KANSL1L: variants seen among roughly 807,000 people sequenced by gnomAD.
KANSL1L encodes KAT8 regulatory NSL complex subunit 1-like protein.
KANSL1L carries 25 observed loss-of-function variants against 108.6 expected under a neutral mutation model. The ratio of observed to expected loss-of-function variants is 0.23; its 90% confidence interval spans 0.17 to 0.32. The LOEUF is 0.32. KANSL1L is among the 10% of genes least tolerant of loss of function. The pLI, the probability that KANSL1L is intolerant of heterozygous loss-of-function variation, is 1.00. For synonymous variants in KANSL1L, 405 were observed against 395.1 expected, an observed-to-expected ratio of 1.03 and a Z score of -0.30; for missense variants, 1,137 against 1,125.7, an observed-to-expected ratio of 1.01 and a Z score of -0.14.
Position 210,057,574 on chromosome 2 carries a change from A to G in KANSL1L, c.1756-13470T>C, listed in dbSNP as rs536291592. ...AAATTAGCCGGGCGTGGTGGCAGGCACATGTAGTCCCAGCTACTCGGGAGG... is the reference window on the plus strand; with the variant it reads ...AAATTAGCCGGGCGTGGTGGCAGGCGCATGTAGTCCCAGCTACTCGGGAGG... On this transcript the variant is annotated intron_variant, in intron 6 of 14. Transcript: ENST00000281772. Among the ~76,000 whole-genome samples, 3 of 152,198 alleles carry G rather than the reference A, an allele frequency of 2.0e-5. No homozygotes were observed. The South Asian group carries it at 6.2e-4, about 32-fold the overall frequency.
chr2:210,104,597 G>A (rs2094828156), intron 3 of KANSL1L, among the ~76,000 whole-genome samples: 1 of 151,944 alleles, frequency 6.6e-6, no homozygotes, highest in African/African-American at 2.4e-5. Flanking sequence ...AATAAAAAAA[G>A]GCATATTATA....
intron 1 of KANSL1L, among the ~76,000 whole-genome samples, chr2:210,156,568 ATATAG>A (rs141901840): frequency 7.9e-5 from 12 of 152,272 alleles, no homozygotes; most frequent in South Asian, 6.2e-4. Context: ...TAAAATATAT[ATATAG>A]TATAGTACCA....
At chr2:210,029,708 A>C (rs976472996) in intron 10 of KANSL1L, 95 bp downstream of exon 10, 13 of 587,010 alleles carry the variant, frequency 2.2e-5, no homozygotes, top group Non-Finnish European at 3.6e-5. Context: ...TGTGCTAGTA[A>C]GGCTGTTATA....
At chr2:210,023,986 G>A (rs1159753504) in intron 14 of KANSL1L, 47 bp downstream of exon 14, 1 of 1,315,576 alleles carries the variant, frequency 7.6e-7, no homozygotes, top group Admixed American at 2.6e-5. Flanking sequence ...CAAACAAGTA[G>A]TTAAAAGTCA....
rs111372903 is a variant in KANSL1L, at chr2:210,119,715, C to T, written c.1230+9316G>A. Among the ~76,000 whole-genome samples the T allele has an allele frequency of 6.6e-3, 1,008 of 152,208 alleles. 4 individuals are homozygous for T. The highest frequency in any genetic ancestry group is 0.012 in the Non-Finnish European group (803 of 68,012). ...CACAATAAAAGCCATATATGATAGA[C>T]CCACAGCTAGTATCTTAATGAATGG... On this transcript the variant is annotated intron_variant, in intron 3 of 14. Coordinates refer to ENST00000281772, the MANE Select transcript of KANSL1L (RefSeq NM_152519.4).
Position 210,129,144 on chromosome 2 carries a change from C to T in KANSL1L, c.1117G>A (p.Val373Ile), listed in dbSNP as rs78236584. 6.2e-7 allele frequency: 1 copy of T among 1,611,914 alleles called. No individual in the cohort carries two copies. The highest frequency in any genetic ancestry group is 8.5e-7 in the Non-Finnish European group (1 of 1,179,558). The change falls in exon 3 of 15, where the codon GTA (valine) becomes ATA (isoleucine). Residue 373 changes from valine (V) to isoleucine (I), a missense_variant. By Grantham distance (29) the Val-to-Ile change is conservative (BLOSUM62 3). This residue lies in a region of KANSL1L where 556 missense variants were observed against 537.7 expected (regional missense o/e 1.03). Transcript: ENST00000281772. ...CGGCTGCCAACTCGTGCTCTGTCTACAAGCCACTTCCATTCAGTACTACAG... is the reference window on the plus strand; with the variant it reads ...CGGCTGCCAACTCGTGCTCTGTCTATAAGCCACTTCCATTCAGTACTACAG... ...VNCSTEWKWL[V>I]DRARVGSRWT... is the part of the protein sequence containing the mutation.
intron 6 of KANSL1L, among the ~76,000 whole-genome samples, chr2:210,066,607 G>C (rs1227013583): frequency 6.6e-6 from 1 of 152,152 alleles, no homozygotes; most frequent in East Asian, 1.9e-4. Flanking sequence ...TTGAACTCCT[G>C]GGCTCAAGTG....
chr2:210,149,194 T>C (rs1239028689), intron 2 of KANSL1L, among the ~76,000 whole-genome samples: 7 of 152,122 alleles, frequency 4.6e-5, no homozygotes, highest in African/African-American at 1.7e-4. Flanking sequence ...AAATTTCAGA[T>C]TGCTAGCCTC....
chr2:210,082,121 C>T (rs1254324464), intron 5 of KANSL1L, among the ~76,000 whole-genome samples: 2 of 152,146 alleles, frequency 1.3e-5, no homozygotes, highest in Non-Finnish European at 2.9e-5. Context: ...TCCATACAGA[C>T]AGAGTCTCGT....
intron 2 of KANSL1L, among the ~76,000 whole-genome samples, chr2:210,132,302 C>T (rs937118040): frequency 2.0e-5 from 3 of 152,150 alleles, no homozygotes; most frequent in Non-Finnish European, 2.9e-5. Flanking sequence ...CACCAGCATA[C>T]TCAGAGTGTC....
intron 3 of KANSL1L, among the ~76,000 whole-genome samples, chr2:210,108,244 A>G (rs972863057): frequency 1.3e-5 from 2 of 152,182 alleles, no homozygotes; most frequent in Admixed American, 1.3e-4. Context: ...CTAATAACCT[A>G]ATTTTGTGGC....
At chr2:210,166,968 G>A (rs1688012164) in intron 1 of KANSL1L, among the ~76,000 whole-genome samples, 1 of 151,964 alleles carries the variant, frequency 6.6e-6, no homozygotes, top group African/African-American at 2.4e-5. Flanking sequence ...GACTAGAGGA[G>A]TACAGTCGTG....
At chr2:210,131,617 A>T (rs2095120856) in intron 2 of KANSL1L, among the ~76,000 whole-genome samples, 1 of 152,178 alleles carries the variant, frequency 6.6e-6, no homozygotes, top group Non-Finnish European at 1.5e-5. Flanking sequence ...ATACTAGACT[A>T]AATTATACTA....
chr2:210,103,099 A>C (rs1479328302), intron 4 of KANSL1L, among the ~76,000 whole-genome samples: 1 of 152,234 alleles, frequency 6.6e-6, no homozygotes, highest in Non-Finnish European at 1.5e-5. Context: ...TGGATTAAGA[A>C]AATGTGACAT....
intron 1 of KANSL1L, among the ~76,000 whole-genome samples, chr2:210,166,903 A>G (rs1327910820): frequency 2.0e-5 from 3 of 152,038 alleles, no homozygotes; most frequent in Non-Finnish European, 4.4e-5. Context: ...AAAAAAGACA[A>G]ATTCTTTTAG....
chr2:210,135,455 G>C (rs975415598), intron 2 of KANSL1L, among the ~76,000 whole-genome samples: 1 of 152,146 alleles, frequency 6.6e-6, no homozygotes, highest in East Asian at 1.9e-4. Flanking sequence ...TCAGCTTAGA[G>C]ACCTTATTTC....
At chr2:210,130,956 T>C (rs545975255) in intron 2 of KANSL1L, among the ~76,000 whole-genome samples, 1 of 152,184 alleles carries the variant, frequency 6.6e-6, no homozygotes, top group East Asian at 1.9e-4. Context: ...AATCTGGGTG[T>C]AGTACAGATC....
At chr2:210,070,548 G>C (rs1212777682) in intron 6 of KANSL1L, among the ~76,000 whole-genome samples, 1 of 152,036 alleles carries the variant, frequency 6.6e-6, no homozygotes, top group Non-Finnish European at 1.5e-5. Flanking sequence ...TCTCTTATAA[G>C]GACGCCAATC....
At chr2:210,067,655 G>C (rs756330036) in intron 6 of KANSL1L, among the ~76,000 whole-genome samples, 1 of 146,420 alleles carries the variant, frequency 6.8e-6, no homozygotes, top group African/African-American at 2.6e-5. Context: ...AGGCTGCAGT[G>C]AGCTGAGATC....
Sources: allele counts gnomAD v4.1 joint callset (sites outside exome capture counted in the v4.1 genomes callset), GRCh38; gene constraint gnomAD v4.1.1; regional missense constraint gnomAD v4.1.1; transcripts MANE v1.5; gene names NCBI Gene and HGNC (gene_info 2026-07-23, HGNC 2026-07-21).